Variants in TTLL8 observed in about 807,000 individuals in gnomAD.
TTLL8 encodes the protein protein monoglycylase TTLL8.
A neutral mutation model predicts 77.8 loss-of-function variants in TTLL8; 65 were observed. That is an observed-to-expected ratio of 0.84 (90% CI 0.68 to 1.03). The LOEUF (loss-of-function observed/expected upper bound fraction) is 1.03. TTLL8 is among the 50% of genes least tolerant of loss of function. The probability of loss-of-function intolerance (pLI) is 0.00; values close to 1 mark genes in which losing one functional copy is unlikely to be tolerated. For synonymous variants in TTLL8, 402 were observed against 422.8 expected (o/e 0.95, Z 0.60); for missense variants, 910 against 1,004.5 (o/e 0.91, Z 1.27).
At position 50,034,563 on chromosome 22, in the gene TTLL8, C is replaced by T. The variant is rs1011519943; in HGVS notation, c.922-101G>A. The T allele has an allele frequency of 1.6e-6, 2 of 1,220,740 alleles. No individual in the cohort carries two copies. The highest frequency in any genetic ancestry group is 2.1e-6 in the Non-Finnish European group (2 of 931,370). The allele number at this position is 1,220,740 out of a possible 1,614,324, so 75.6% of individuals were successfully genotyped here. On this transcript the variant is annotated intron_variant, in intron 8 of 13. Coordinates refer to ENST00000266182, the Ensembl canonical transcript of TTLL8. The surrounding 1 kb of genome is among the most constrained non-coding windows in gnomAD (Gnocchi z 4.1). ...TTGGAGGCCTGGGCCCCGCCTCACC[C>T]ACCAAGCAGGCGCTCGGCTCTAGGA...
At chr22:50,025,600 G>T (rs978066616) in intron 12 of TTLL8, among the ~76,000 whole-genome samples, 6 of 152,126 alleles carry the variant, frequency 3.9e-5, no homozygotes, top group Non-Finnish European at 8.8e-5. Flanking sequence ...AGATCGTGCG[G>T]TTGCACTCCA....
At chr22:50,028,273 G>A (rs1010873339) in intron 12 of TTLL8, among the ~76,000 whole-genome samples, 1 of 152,204 alleles carries the variant, frequency 6.6e-6, no homozygotes, top group Non-Finnish European at 1.5e-5. Context: ...GCTGCCTCCC[G>A]CTGGTGACCT....
Position 50,030,926 on chromosome 22 carries a change from C to A in TTLL8, c.1708-1G>T. 7.6e-7 allele frequency: 1 copy of A among 1,317,762 alleles called. No homozygotes were observed. The highest frequency in any genetic ancestry group is 1.0e-6 in the Non-Finnish European group (1 of 1,004,722). The allele number at this position is 1,317,762 out of a possible 1,614,324, so 81.6% of individuals were successfully genotyped here. A position where few individuals can be genotyped will look rare whatever the true frequency, so the allele number is the denominator to read the frequency against. ...TGAATGGGGGCGGCTCAACCACCGGCTGTGGGGAAGGAACAGGTTGGGGTG... is the reference window on the plus strand; with the variant it reads ...TGAATGGGGGCGGCTCAACCACCGGATGTGGGGAAGGAACAGGTTGGGGTG... On this transcript the variant is annotated splice_acceptor_variant, in intron 11 of 13. Transcript: ENST00000266182. LOFTEE classifies it high-confidence loss of function.
At chr22:50,055,137 A>T, upstream of TTLL8, 1 of 1,211,204 alleles carries the variant, frequency 8.3e-7, no homozygotes, top group South Asian at 1.5e-5. Context: ...TCGGGGGCAC[A>T]GTGCGTCAGA....
Position 50,044,937 on chromosome 22 carries a change from C to G in TTLL8, c.643+318G>C, listed in dbSNP as rs533467874. 1.3e-5 allele frequency among the ~76,000 whole-genome samples: 2 copies of G among 152,118 alleles called. No homozygotes were observed. The highest frequency in any genetic ancestry group is 3.9e-4 in the East Asian group (2 of 5,188). ...ACTCAGGCTGCGGCATCGTGGTGGCCGTGGGGTGGGGCAGGCTTCCGACCA... is the reference window on the plus strand; with the variant it reads ...ACTCAGGCTGCGGCATCGTGGTGGCGGTGGGGTGGGGCAGGCTTCCGACCA... On this transcript the variant is annotated intron_variant, in intron 6 of 13. Transcript: ENST00000266182. This position sits in a 1 kb window ranked among gnomAD's most constrained non-coding sequence, Gnocchi z 4.2.
intron 3 of TTLL8, among the ~76,000 whole-genome samples, chr22:50,047,926 G>C (rs759892384): frequency 6.6e-6 from 1 of 152,100 alleles, no homozygotes. Context: ...GGTGAAACTC[G>C]TCTCTACTAA....
rs1328236423 is a variant in TTLL8, at chr22:50,041,490, A to G, written c.830+131T>C. ...CCCCAACGCCAGGACAGGCATCTCA[A>G]CACTCAATACCCCACAGGTAGCCTA... On this transcript the variant is annotated intron_variant, in intron 7 of 13. Coordinates refer to ENST00000266182, the Ensembl canonical transcript of TTLL8. This position sits in a 1 kb window ranked among gnomAD's most constrained non-coding sequence, Gnocchi z 4.3. 1 of 1,209,946 alleles carries G rather than the reference A, an allele frequency of 8.3e-7. No individual in the cohort carries two copies. The highest frequency in any genetic ancestry group is 1.5e-5 in the South Asian group (1 of 64,838). The allele number at this position is 1,209,946 out of a possible 1,614,324, so 75.0% of individuals were successfully genotyped here. A position where few individuals can be genotyped will look rare whatever the true frequency, so the allele number is the denominator to read the frequency against.
intron 1 of TTLL8, among the ~76,000 whole-genome samples, chr22:50,051,967 G>A (rs576843888): frequency 1.4e-4 from 21 of 152,240 alleles, no homozygotes; most frequent in South Asian, 4.2e-4. Flanking sequence ...GGCACACAGC[G>A]GACGAAGCGG....
intron 8 of TTLL8, among the ~76,000 whole-genome samples, chr22:50,039,532 A>G (rs1442634069): frequency 6.6e-6 from 1 of 152,270 alleles, no homozygotes; most frequent in Admixed American, 6.5e-5. Context: ...AACTACTTGT[A>G]GAAGCATTAT....
In TTLL8 at chr22:50,025,570, G is replaced by A. The variant is rs115356410; in HGVS notation, c.2203+4860C>T. ...AGGAGAATCGCTTAGAACCCCAGAG[G>A]CTTAGGTTGCCGTGAGCCGAGATCG... On this transcript the variant is annotated intron_variant, in intron 12 of 13. Transcript: ENST00000266182. Among the ~76,000 whole-genome samples the A allele has an allele frequency of 3.6e-3, 554 of 152,222 alleles. 3 individuals are homozygous for A. The highest frequency in any genetic ancestry group is 0.013 in the African/African-American group (539 of 41,544).
intron 3 of TTLL8, among the ~76,000 whole-genome samples, chr22:50,047,529 G>A (rs535248308): frequency 1.1e-4 from 16 of 152,318 alleles, no homozygotes; most frequent in African/African-American, 2.9e-4. Flanking sequence ...GGGCCACCCC[G>A]ATGTGGGGCT....
At chr22:50,056,945 C>T (rs763510251), upstream of TTLL8, 203 of 1,289,598 alleles carry the variant, frequency 1.6e-4, no homozygotes, top group Non-Finnish European at 1.8e-4. This position sits in a 1 kb window ranked among gnomAD's most constrained non-coding sequence, Gnocchi z 4.1. Flanking sequence ...TACTGGCCTC[C>T]GACAGCTTGC....
chr22:50,024,437 A>T (rs1002474315), intron 12 of TTLL8, among the ~76,000 whole-genome samples: 1 of 152,142 alleles, frequency 6.6e-6, no homozygotes, highest in African/African-American at 2.4e-5. Flanking sequence ...GAAAACTTCG[A>T]AGACAGTGTG....
At chr22:50,050,013 C>T (rs972152309) in intron 2 of TTLL8, 96 bp downstream of exon 4, 22 of 1,269,992 alleles carry the variant, frequency 1.7e-5, no homozygotes, top group Non-Finnish European at 1.8e-5. Flanking sequence ...ACACCAGGGC[C>T]GAGGGGCAGG....
chr22:50,052,336 A>G (rs1197705719), intron 1 of TTLL8, among the ~76,000 whole-genome samples: 2 of 152,216 alleles, frequency 1.3e-5, no homozygotes, highest in Non-Finnish European at 2.9e-5. Flanking sequence ...AGAAAAATGG[A>G]TGGGCAGAAT....
chr22:50,028,328 G>A (rs954216391), intron 12 of TTLL8, among the ~76,000 whole-genome samples: 4 of 152,240 alleles, frequency 2.6e-5, no homozygotes, highest in Non-Finnish European at 5.9e-5. Context: ...CATTGCTTAC[G>A]GCAACACTGC....
Position 50,031,869 on chromosome 22 carries a change from G to A in TTLL8, c.1524C>T (p.Tyr508=), listed in dbSNP as rs771404712. 4.4e-5 allele frequency: 60 copies of A among 1,367,324 alleles called. No individual in the cohort carries two copies. In the East Asian group the frequency reaches 2.0e-3, roughly 46 times the overall value. 84.7% of individuals were successfully genotyped at this position (1,367,324 alleles called of 1,614,324 possible). A position where few individuals can be genotyped will look rare whatever the true frequency, so the allele number is the denominator to read the frequency against. The change falls in exon 11 of 14, where the codon TAC becomes TAT. Residue 508 remains tyrosine, a synonymous_variant. Coordinates refer to ENST00000266182, the Ensembl canonical transcript of TTLL8. Reference sequence around the variant, plus strand: ...CCCTCCCAAGGACGAAGTCAGCCCCGTAGAGCTCAAAGCTGTTCTTGCGAG... The same window carrying A: ...CCCTCCCAAGGACGAAGTCAGCCCCATAGAGCTCAAAGCTGTTCTTGCGAG...
At chr22:50,033,413 G>A (rs771734464) in exon 10 of TTLL8, 2 of 1,365,252 alleles carry the variant, frequency 1.5e-6, no homozygotes, top group South Asian at 2.3e-5. Flanking sequence ...GCCAGCTCCA[G>A]GATCTCCTCC....
In TTLL8 at chr22:50,034,466, C is replaced by A. The variant is rs376209219; in HGVS notation, c.922-4G>T. Reference sequence around the variant, plus strand: ...TTCTATTCAGCAGAGCCTGGCACTGCGAAAAGTAATTTCTTGAATTGGAGA... The same window carrying A: ...TTCTATTCAGCAGAGCCTGGCACTGAGAAAAGTAATTTCTTGAATTGGAGA... On this transcript the variant is annotated splice_region_variant and splice_polypyrimidine_tract_variant and intron_variant, in intron 8 of 13. Coordinates refer to ENST00000266182, the Ensembl canonical transcript of TTLL8. This position sits in a 1 kb window ranked among gnomAD's most constrained non-coding sequence, Gnocchi z 4.1. 6 of 1,366,270 alleles carry A rather than the reference C, an allele frequency of 4.4e-6. No homozygotes were observed. Among genetic ancestry groups the A allele is most frequent in the Admixed American group, 1.9e-5 (1 of 52,524 alleles). 84.6% of individuals were successfully genotyped at this position (1,366,270 alleles called of 1,614,324 possible).
Sources: allele counts gnomAD v4.1 joint callset (sites outside exome capture counted in the v4.1 genomes callset), GRCh38; gene constraint gnomAD v4.1.1; non-coding constraint Gnocchi (gnomAD v3.1); transcripts MANE v1.5; gene names NCBI Gene and HGNC (gene_info 2026-07-23, HGNC 2026-07-21).